The following IQCB1 variants were observed in gnomAD, a reference collection of about 807,000 sequenced individuals.
IQCB1 encodes IQ motif containing B1, also known as IQ calmodulin-binding motif-containing protein 1.
A neutral mutation model predicts 84.4 loss-of-function variants in IQCB1; 56 were observed. That is an observed-to-expected ratio of 0.66 (90% CI 0.54 to 0.83). The LOEUF (loss-of-function observed/expected upper bound fraction) is 0.83, where lower values mean the gene tolerates loss of function less well. IQCB1 is among the 40% of genes least tolerant of loss of function. IQCB1 has a pLI of 0.00. For missense variants in IQCB1, 629 were observed against 682.1 expected (o/e 0.92, Z 0.87); for synonymous variants, 210 against 234.8 (o/e 0.89, Z 0.96).
chr3:121,770,939 TG>T (rs1217018159), intron 14 of IQCB1, among the ~76,000 whole-genome samples: 2 of 152,086 alleles, frequency 1.3e-5, no homozygotes, highest in Non-Finnish European at 2.9e-5. Flanking sequence ...CCCTAAGTGT[TG>T]GGATTACAGC....
In IQCB1 at chr3:121,798,898, G is replaced by T. The variant is rs558325289; in HGVS notation, c.766+298C>A. Among the ~76,000 whole-genome samples the T allele has an allele frequency of 4.6e-5, 7 of 151,662 alleles. No homozygotes were observed. In the South Asian group the frequency reaches 1.5e-3, roughly 32 times the overall value. On this transcript the variant is annotated intron_variant, in intron 8 of 14. Transcript: ENST00000310864. ...TCTTGATAAGGTCACTGATCTTTTTGGTCATTATTTTACTATACTATATGG... is the reference window on the plus strand; with the variant it reads ...TCTTGATAAGGTCACTGATCTTTTTTGTCATTATTTTACTATACTATATGG...
chr3:121,805,013 T>C (rs1949553868), intron 7 of IQCB1, among the ~76,000 whole-genome samples: 1 of 152,202 alleles, frequency 6.6e-6, no homozygotes, highest in Non-Finnish European at 1.5e-5. Context: ...TCTCAGATAT[T>C]GTAGATTTCA....
intron 9 of IQCB1, among the ~76,000 whole-genome samples, chr3:121,796,655 T>TA (rs1270104811): frequency 2.0e-5 from 3 of 152,120 alleles, no homozygotes; most frequent in African/African-American, 7.2e-5. Context: ...TTGCTACAAT[T>TA]AGAGATTTTT....
At chr3:121,814,649 A>C (rs992433194) in intron 5 of IQCB1, among the ~76,000 whole-genome samples, 31 of 152,336 alleles carry the variant, frequency 2.0e-4, no homozygotes, top group Middle Eastern at 3.4e-3. Flanking sequence ...CAAATAAACT[A>C]GAAAATCTAG....
intron 8 of IQCB1, among the ~76,000 whole-genome samples, chr3:121,798,689 G>A (rs9882971): frequency 0.64 from 97,682 of 151,712 alleles, 31,928 homozygotes; most frequent in African/African-American, 0.72. Flanking sequence ...ATGTATATAC[G>A]CTTACTCCTT....
rs544424788 is a variant in IQCB1, at chr3:121,791,738, A to G, written c.987-1523T>C. Among the ~76,000 whole-genome samples, 7 of 152,312 alleles carry G rather than the reference A, an allele frequency of 4.6e-5. No individual in the cohort carries two copies. In the East Asian group the frequency reaches 7.7e-4, roughly 17 times the overall value. ...ATAATGTTTTATCTCTTACCCATTC[A>G]TAGAGGGTAAAAGAGAGCAGGCCCT... On this transcript the variant is annotated intron_variant, in intron 10 of 14. Coordinates refer to ENST00000310864, the MANE Select transcript of IQCB1 (RefSeq NM_001023570.4).
intron 11 of IQCB1, 42 bp downstream of exon 11, chr3:121,790,031 C>A (rs371873084): frequency 2.8e-5 from 44 of 1,570,164 alleles, no homozygotes; most frequent in Non-Finnish European, 3.1e-5. Context: ...TAAAAGATAA[C>A]CTAAATATTC....
intron 2 of IQCB1, among the ~76,000 whole-genome samples, chr3:121,830,465 C>T (rs1349836463): frequency 2.0e-5 from 3 of 151,844 alleles, no homozygotes; most frequent in Non-Finnish European, 4.4e-5. Context: ...AGCGTATTTC[C>T]TTATTTATAG....
chr3:121,798,037 G>C (rs1949269501), intron 8 of IQCB1, among the ~76,000 whole-genome samples: 1 of 151,902 alleles, frequency 6.6e-6, no homozygotes. Context: ...CTGCTATTGA[G>C]ATATAAGTCA....
At chr3:121,814,190 G>C (rs895850918) in intron 5 of IQCB1, among the ~76,000 whole-genome samples, 1 of 152,050 alleles carries the variant, frequency 6.6e-6, no homozygotes, top group Non-Finnish European at 1.5e-5. Flanking sequence ...ATAACCAAAG[G>C]CAGAAATAAA....
intron 5 of IQCB1, among the ~76,000 whole-genome samples, chr3:121,811,140 C>A (rs746498928): frequency 5.9e-5 from 9 of 152,082 alleles, no homozygotes; most frequent in Non-Finnish European, 1.2e-4. Flanking sequence ...AGATGGCAAG[C>A]AGAAGCAGAG....
At chr3:121,793,482 T>C (rs749252689) in intron 10 of IQCB1, among the ~76,000 whole-genome samples, 2 of 151,676 alleles carry the variant, frequency 1.3e-5, no homozygotes, top group Non-Finnish European at 2.9e-5. Context: ...AAGACAGAAA[T>C]AACCTTTGAA....
At chr3:121,793,117 A>G (rs1949057737) in intron 10 of IQCB1, among the ~76,000 whole-genome samples, 1 of 152,220 alleles carries the variant, frequency 6.6e-6, no homozygotes, top group Non-Finnish European at 1.5e-5. Context: ...GCATTTAAGA[A>G]GCTCAGTTTC....
chr3:121,819,843 A>G (rs1245112933), intron 5 of IQCB1, among the ~76,000 whole-genome samples: 2 of 152,122 alleles, frequency 1.3e-5, no homozygotes, highest in Non-Finnish European at 2.9e-5. Flanking sequence ...AATAGGTAAA[A>G]CAAATAACAA....
In IQCB1 at chr3:121,770,548, C is replaced by T. The variant is rs149207095; in HGVS notation, c.1594G>A (p.Gly532Arg). The T allele has an allele frequency of 5.3e-5, 85 of 1,613,826 alleles. No individual in the cohort carries two copies. Among genetic ancestry groups the T allele is most frequent in the Non-Finnish European group, 6.6e-5 (78 of 1,179,984 alleles). ...CTTAGGAAGAGCTCAGGTTCTTTCCCTTCTGCCTCCTTCAGACTTGGTGCC... is the reference window on the plus strand; with the variant it reads ...CTTAGGAAGAGCTCAGGTTCTTTCCTTTCTGCCTCCTTCAGACTTGGTGCC... ...MKAPSLKEAE[G>R]KEPELFLSRS... The change falls in exon 15 of 15, where the codon GGG becomes AGG. Residue 532 changes from glycine to arginine, a missense_variant. Coordinates refer to ENST00000310864, the MANE Select transcript of IQCB1 (RefSeq NM_001023570.4).
intron 13 of IQCB1, 79 bp downstream of exon 13, chr3:121,781,664 A>ACACAC: frequency 3.1e-6 from 3 of 964,228 alleles, no homozygotes; most frequent in Non-Finnish European, 4.7e-6. Context: ...CACACACACA[A>ACACAC]TATATGTGTG....
intron 4 of IQCB1, among the ~76,000 whole-genome samples, chr3:121,827,317 G>A (rs1278316180): frequency 6.6e-6 from 1 of 151,690 alleles, no homozygotes; most frequent in African/African-American, 2.4e-5. Flanking sequence ...ACTTTTTGTT[G>A]TTGTTGTTGT....
chr3:121,797,456 A>T (rs1372720589), intron 8 of IQCB1, among the ~76,000 whole-genome samples: 3 of 50,534 alleles, frequency 5.9e-5, no homozygotes, highest in African/African-American at 1.4e-4. Context: ...ATCTGATAAA[A>T]AAAAAAAAAT....
chr3:121,784,188 T>A, intron 12 of IQCB1, among the ~76,000 whole-genome samples: 1 of 86,716 alleles, frequency 1.2e-5, no homozygotes, highest in Admixed American at 1.2e-4. Context: ...TTTCTATCCA[T>A]CTTTTTTTTT....
Sources: gnomAD v4.1 joint callset for allele counts (sites outside exome capture counted in the v4.1 genomes callset) on GRCh38, gnomAD v4.1.1 for gene constraint, MANE v1.5 for transcripts, NCBI Gene and HGNC (gene_info 2026-07-23, HGNC 2026-07-21) for gene names.